Variants in KCNQ3 observed in about 807,000 individuals in gnomAD.
The protein encoded by KCNQ3 is potassium voltage-gated channel subfamily Q member 3, also known as potassium voltage-gated channel subfamily KQT member 3.
KCNQ3 carries 30 observed loss-of-function variants against 92.5 expected under a neutral mutation model. That is an observed-to-expected ratio of 0.32 (90% CI 0.24 to 0.44). The LOEUF is 0.44. Ranked by LOEUF, KCNQ3 falls within the 20% of genes least tolerant of loss-of-function variation. The pLI is 1.00. For synonymous variants in KCNQ3, 450 were observed against 468.8 expected (o/e 0.96, Z 0.52); for missense variants, 913 against 1,140.3 (o/e 0.80, Z 2.87).
Position 132,189,327 on chromosome 8 carries a change from A to C in KCNQ3, c.387-3146T>G, listed in dbSNP as rs192211217. Among the ~76,000 whole-genome samples the C allele has an allele frequency of 1.5e-3, 232 of 151,576 alleles. 2 individuals are homozygous for C. Among genetic ancestry groups the C allele is most frequent in the African/African-American group, 5.4e-3 (222 of 41,276 alleles). ...TCCCAGAGCACCCTGATTCACTTCT[A>C]CTCCAGCATGGACAACAACCCGTTA... is the stretch of plus-strand genomic sequence containing the variant. On this transcript the variant is annotated intron_variant, in intron 1 of 14. Transcript: ENST00000388996.
intron 1 of KCNQ3, among the ~76,000 whole-genome samples, chr8:132,308,215 T>C (rs1429832811): frequency 6.6e-6 from 1 of 152,164 alleles, no homozygotes; most frequent in Non-Finnish European, 1.5e-5. Flanking sequence ...TGAGTCTAGG[T>C]CCCTCTCCTC....
chr8:132,240,889 A>ATTTTT (rs34829586), intron 1 of KCNQ3, among the ~76,000 whole-genome samples: 1 of 149,938 alleles, frequency 6.7e-6, no homozygotes. Context: ...GCTAGCTACA[A>ATTTTT]TTTTTTTTTT....
intron 8 of KCNQ3, among the ~76,000 whole-genome samples, chr8:132,167,929 C>A (rs1826187814): frequency 6.6e-6 from 1 of 152,208 alleles, no homozygotes; most frequent in South Asian, 2.1e-4. Context: ...GTCATCTGCC[C>A]ATTCTAAGAA....
intron 1 of KCNQ3, among the ~76,000 whole-genome samples, chr8:132,416,246 C>A (rs528356162): frequency 6.4e-4 from 98 of 152,238 alleles, no homozygotes; most frequent in Middle Eastern, 3.4e-3. Flanking sequence ...CTCTAAACAC[C>A]ATCTCTCAAA....
chr8:132,306,800 G>A (rs971104385), intron 1 of KCNQ3, among the ~76,000 whole-genome samples: 2 of 152,110 alleles, frequency 1.3e-5, no homozygotes, highest in African/African-American at 4.8e-5. Flanking sequence ...ATCATTTCTG[G>A]GGGAAAAGTA....
At chr8:132,434,035 C>T (rs892161550) in intron 1 of KCNQ3, among the ~76,000 whole-genome samples, 1 of 151,858 alleles carries the variant, frequency 6.6e-6, no homozygotes, top group Non-Finnish European at 1.5e-5. Context: ...GGTGAAACCC[C>T]GTCTCTACTA....
chr8:132,188,803 A>C (rs999156049), intron 1 of KCNQ3, among the ~76,000 whole-genome samples: 1 of 152,222 alleles, frequency 6.6e-6, no homozygotes, highest in Non-Finnish European at 1.5e-5. Context: ...CCACGTGTTC[A>C]CATGCTTTGG....
chr8:132,170,471 T>C (rs373440916), intron 7 of KCNQ3, 43 bp from the exon 8 acceptor site: 19 of 1,331,006 alleles, frequency 1.4e-5, no homozygotes, highest in African/African-American at 2.9e-5. Context: ...GGGCACCACC[T>C]GAAACTTTCG....
chr8:132,288,152 T>A (rs752644252), intron 1 of KCNQ3, among the ~76,000 whole-genome samples: 3 of 152,218 alleles, frequency 2.0e-5, no homozygotes, highest in Non-Finnish European at 4.4e-5. Flanking sequence ...TCCTTTAGGA[T>A]AGATTCTTGA....
chr8:132,434,225 A>AAT (rs1554657030), intron 1 of KCNQ3, among the ~76,000 whole-genome samples: 581 of 136,726 alleles, frequency 4.2e-3, no homozygotes, highest in Non-Finnish European at 6.4e-3. Flanking sequence ...AAAAAAAAAA[A>AAT]AATAATAATA....
chr8:132,272,886 A>G (rs530184306), intron 1 of KCNQ3, among the ~76,000 whole-genome samples: 1 of 152,166 alleles, frequency 6.6e-6, no homozygotes, highest in Non-Finnish European at 1.5e-5. Flanking sequence ...AAAACCAATC[A>G]TGCCTTCCCA....
intron 1 of KCNQ3, among the ~76,000 whole-genome samples, chr8:132,248,448 G>A (rs1349616566): frequency 2.6e-5 from 4 of 151,780 alleles, no homozygotes; most frequent in Non-Finnish European, 5.9e-5. Context: ...ATCTCCAGTT[G>A]AAAATGAAAA....
intron 1 of KCNQ3, among the ~76,000 whole-genome samples, chr8:132,421,196 C>A (rs2065967692): frequency 6.6e-6 from 1 of 152,146 alleles, no homozygotes; most frequent in Admixed American, 6.5e-5. Flanking sequence ...ATTATCTCTA[C>A]ATATGAATAA....
At chr8:132,385,677 G>A (rs1819871573) in intron 1 of KCNQ3, among the ~76,000 whole-genome samples, 1 of 152,158 alleles carries the variant, frequency 6.6e-6, no homozygotes, top group Admixed American at 6.5e-5. Flanking sequence ...ACCTTGAAGA[G>A]CAGAATTCTG....
At chr8:132,140,762 C>T (rs1825266706) in intron 10 of KCNQ3, 1 of 297,722 alleles carries the variant, frequency 3.4e-6, no homozygotes, top group Admixed American at 4.9e-5. Flanking sequence ...GCTTTTCTGC[C>T]ACTCTTCCCG....
At chr8:132,476,629 A>C (rs1822418698) in intron 1 of KCNQ3, among the ~76,000 whole-genome samples, 1 of 152,206 alleles carries the variant, frequency 6.6e-6, no homozygotes, top group Admixed American at 6.5e-5. Context: ...CAATGGAAAC[A>C]TTTACCCAAT....
chr8:132,450,838 A>G (rs1018872465), intron 1 of KCNQ3, among the ~76,000 whole-genome samples: 2 of 152,170 alleles, frequency 1.3e-5, no homozygotes, highest in South Asian at 2.1e-4. Context: ...CCTTCAATGG[A>G]CGACTGGGGC....
rs76824501 is a variant in KCNQ3 at position 132,228,540 on chromosome 8, G to A, written c.387-42359C>T. ...AGAGTTTTAGATTAATTACTACACG[G>A]AAATACTTAGAAAAATGCCCAGAAC... On this transcript the variant is annotated intron_variant, in intron 1 of 14. Coordinates refer to ENST00000388996, the MANE Select transcript of KCNQ3 (RefSeq NM_004519.4). 7.8e-3 allele frequency among the ~76,000 whole-genome samples: 1,190 copies of A among 152,196 alleles called. 17 individuals carry two copies. The highest frequency in any genetic ancestry group is 0.027 in the African/African-American group (1,121 of 41,518).
Position 132,137,856 on chromosome 8 carries a change from C to T in KCNQ3, c.1700+29G>A, listed in dbSNP as rs2469515. ...AAGGTTCATAGGGCTTTGAGGGGAGCGCAGTCCCTCCAGATGTGACTGTCT... is the reference window on the plus strand; with the variant it reads ...AAGGTTCATAGGGCTTTGAGGGGAGTGCAGTCCCTCCAGATGTGACTGTCT... On this transcript the variant is annotated intron_variant, in intron 12 of 14. Coordinates refer to ENST00000388996, the MANE Select transcript of KCNQ3 (RefSeq NM_004519.4). The T allele has an allele frequency of 0.2, 325,057 of 1,610,908 alleles. 35,559 individuals carry two copies. Among genetic ancestry groups the T allele is most frequent in the Middle Eastern group, 0.27 (1,654 of 6,050 alleles).
Sources: gnomAD v4.1 joint callset for allele counts (sites outside exome capture counted in the v4.1 genomes callset) on GRCh38, gnomAD v4.1.1 for gene constraint, MANE v1.5 for transcripts, NCBI Gene and HGNC (gene_info 2026-07-23, HGNC 2026-07-21) for gene names.